ADGRL4: variants seen among roughly 807,000 people sequenced by gnomAD.
The protein encoded by ADGRL4 is EGF, latrophilin and seven transmembrane domain containing 1.
In ADGRL4, 90 loss-of-function variants were observed where a neutral mutation model predicts 74.8. That is an observed-to-expected ratio of 1.20 (90% CI 1.02 to 1.43). The LOEUF is 1.43. ADGRL4 is among the 40% of genes most tolerant of loss of function. ADGRL4 has a pLI of 0.00. For synonymous variants in ADGRL4, 311 were observed against 279.2 expected (o/e 1.11, Z -1.14); for missense variants, 881 against 814.3 (o/e 1.08, Z -1.00).
chr1:78,930,173 T>C (rs1181680727), intron 7 of ADGRL4, among the ~76,000 whole-genome samples: 1 of 151,392 alleles, frequency 6.6e-6, no homozygotes, highest in Non-Finnish European at 1.5e-5. Context: ...TTGAGGTATA[T>C]AGTTTCCATT....
chr1:78,964,284 T>C (rs1650012623), intron 2 of ADGRL4, among the ~76,000 whole-genome samples: 1 of 152,234 alleles, frequency 6.6e-6, no homozygotes, highest in Non-Finnish European at 1.5e-5. Flanking sequence ...CTAGTGCTTT[T>C]CTAGCTCAGA....
In ADGRL4 at chr1:78,937,871, A is replaced by G. The variant is rs1649387753; in HGVS notation, c.696T>C (p.Ala232=). Residue 232 remains alanine, a synonymous_variant, in exon 6 of 15, where the codon GCT becomes GCC. Transcript: ENST00000370742. Reference sequence around the variant, plus strand: ...GGAAGCTCTGGGATATCCTTAAAGTAGCTTGTTCAACAGTGTGCATGAGTT... The same window carrying G: ...GGAAGCTCTGGGATATCCTTAAAGTGGCTTGTTCAACAGTGTGCATGAGTT... ...LTKLMHTVEQ[A]TLRISQSFQK... is the part of the protein sequence containing the mutation. The G allele has an allele frequency of 2.5e-6, 4 of 1,614,066 alleles. No individual in the cohort carries two copies. The highest frequency in any genetic ancestry group is 3.4e-6 in the Non-Finnish European group (4 of 1,179,956).
At chr1:78,950,043 T>C (rs1040862934) in intron 2 of ADGRL4, among the ~76,000 whole-genome samples, 2 of 152,052 alleles carry the variant, frequency 1.3e-5, no homozygotes. Flanking sequence ...ATTATCAGAT[T>C]GTAGAGTGTG....
chr1:78,933,881 A>G (rs1287959529), intron 7 of ADGRL4, among the ~76,000 whole-genome samples: 1 of 152,140 alleles, frequency 6.6e-6, no homozygotes, highest in Non-Finnish European at 1.5e-5. Context: ...AAGGGATGTG[A>G]AGGACCTCTT....
intron 2 of ADGRL4, among the ~76,000 whole-genome samples, chr1:78,966,849 G>GT (rs532179957): frequency 3.6e-4 from 53 of 146,456 alleles, no homozygotes; most frequent in African/African-American, 6.5e-4. Flanking sequence ...TTTTAAGCTA[G>GT]TTTTTTTTTC....
chr1:78,924,526 G>A (rs940806496), intron 8 of ADGRL4, among the ~76,000 whole-genome samples: 1 of 152,006 alleles, frequency 6.6e-6, no homozygotes, highest in African/African-American at 2.4e-5. Context: ...AAATGACCCA[G>A]GGGTAGATCA....
intron 2 of ADGRL4, among the ~76,000 whole-genome samples, chr1:79,004,415 G>A (rs116655647): frequency 6.2e-4 from 94 of 152,142 alleles, no homozygotes; most frequent in African/African-American, 2.1e-3. Flanking sequence ...ACGAAATTAC[G>A]TAAATTTGAT....
chr1:78,960,608 A>T (rs1382757492), intron 2 of ADGRL4, among the ~76,000 whole-genome samples: 2 of 152,048 alleles, frequency 1.3e-5, no homozygotes, highest in African/African-American at 4.8e-5. Flanking sequence ...ATGTTTTGCA[A>T]TTTTTTTAAA....
chr1:78,985,094 T>C (rs1038758439), intron 2 of ADGRL4, among the ~76,000 whole-genome samples: 2 of 151,746 alleles, frequency 1.3e-5, no homozygotes, highest in Non-Finnish European at 3.0e-5. Flanking sequence ...TCAACAATTA[T>C]TTCCATTTCA....
At chr1:78,897,413 A>T (rs1056568950) in intron 12 of ADGRL4, among the ~76,000 whole-genome samples, 3 of 152,136 alleles carry the variant, frequency 2.0e-5, no homozygotes, top group Non-Finnish European at 2.9e-5. Context: ...CTGGCTTGCC[A>T]TTCAGTAGGA....
chr1:78,959,392 T>C (rs1266781794), intron 2 of ADGRL4, among the ~76,000 whole-genome samples: 1 of 152,222 alleles, frequency 6.6e-6, no homozygotes, highest in Non-Finnish European at 1.5e-5. Context: ...CAGTGATTAA[T>C]AAGTAGGCAA....
At chr1:78,928,178 A>G (rs1214889910) in intron 7 of ADGRL4, among the ~76,000 whole-genome samples, 1 of 151,440 alleles carries the variant, frequency 6.6e-6, no homozygotes, top group Admixed American at 6.6e-5. Context: ...TCAAAAATAT[A>G]AGAAGGATTT....
intron 2 of ADGRL4, among the ~76,000 whole-genome samples, chr1:78,949,195 C>T (rs1397936606): frequency 6.6e-6 from 1 of 151,868 alleles, no homozygotes; most frequent in Admixed American, 6.6e-5. Context: ...GGTTGGAGTA[C>T]AAGAAAATGA....
chr1:78,936,372 T>C lies in ADGRL4; in HGVS notation c.800A>G (p.His267Arg), dbSNP rs759189809. The change falls in exon 7 of 15, where the codon CAT becomes CGT. Residue 267 changes from histidine to arginine, a missense_variant. Physicochemically the swap from His to Arg is conservative, Grantham distance 29. Coordinates refer to ENST00000370742, the MANE Select transcript of ADGRL4 (RefSeq NM_022159.4). The part of the protein sequence containing the change: ...VFFFDSYNMK[H>R]IHPHMNMDGD... ...ATCCATATTCATATGAGGATGAATA[T>C]GTTTCATGTTATATGAATCAAAAAA... 1.3e-6 allele frequency: 2 copies of C among 1,579,110 alleles called. No individual in the cohort carries two copies. The highest frequency in any genetic ancestry group is 2.0e-5 in the Admixed American group (1 of 50,592).
intron 3 of ADGRL4, among the ~76,000 whole-genome samples, chr1:78,945,557 T>C (rs1649583693): frequency 1.3e-5 from 2 of 152,186 alleles, no homozygotes; most frequent in Non-Finnish European, 2.9e-5. Flanking sequence ...AATTATTTTT[T>C]CTCAGGCTGT....
At chr1:78,940,276 T>C (rs533262527) in intron 3 of ADGRL4, among the ~76,000 whole-genome samples, 74 of 152,278 alleles carry the variant, frequency 4.9e-4, no homozygotes, top group African/African-American at 1.7e-3. Flanking sequence ...AACTAAGATA[T>C]AGCAGAACGT....
chr1:78,958,461 GA>G, intron 2 of ADGRL4, among the ~76,000 whole-genome samples: 2 of 152,226 alleles, frequency 1.3e-5, no homozygotes, highest in Middle Eastern at 3.4e-3. Flanking sequence ...GGAAGAAGCT[GA>G]TTCCAACCCT....
chr1:78,952,270 A>G (rs955578701), intron 2 of ADGRL4, among the ~76,000 whole-genome samples: 1 of 147,772 alleles, frequency 6.8e-6, no homozygotes, highest in Non-Finnish European at 1.5e-5. Context: ...GACTATAACC[A>G]TTATGTGATT....
intron 3 of ADGRL4, among the ~76,000 whole-genome samples, chr1:78,941,738 A>T (rs546611944): frequency 6.6e-6 from 1 of 152,286 alleles, no homozygotes; most frequent in African/African-American, 2.4e-5. Context: ...TTGCAGCAAG[A>T]TCCACACTAA....
Sources: allele counts gnomAD v4.1 joint callset (sites outside exome capture counted in the v4.1 genomes callset), GRCh38; gene constraint gnomAD v4.1.1; transcripts MANE v1.5; gene names NCBI Gene and HGNC (gene_info 2026-07-23, HGNC 2026-07-21).